WDR74: variants seen among roughly 807,000 people sequenced by gnomAD.
WDR74 encodes the protein WD repeat domain 74.
WDR74 carries 31 observed loss-of-function variants against 45.6 expected under a neutral mutation model. That is an observed-to-expected ratio of 0.68 (90% CI 0.51 to 0.92). WDR74 has a LOEUF of 0.92. WDR74 is among the 40% of genes least tolerant of loss of function. The pLI is 0.00. For synonymous variants in WDR74, 191 were observed against 192.4 expected (o/e 0.99, Z 0.06); for missense variants, 455 against 497.2 (o/e 0.92, Z 0.81).
rs776515689 is a variant in WDR74 at position 62,839,487 on chromosome 11, C to T, written c.64+20G>A. The T allele has an allele frequency of 1.2e-5, 19 of 1,613,560 alleles. No individual in the cohort carries two copies. Among genetic ancestry groups the T allele is most frequent in the Non-Finnish European group, 9.3e-6 (11 of 1,179,882 alleles). On this transcript the variant is annotated intron_variant, in intron 1 of 10. Transcript: ENST00000278856. ...GCGAGTGCACCCCTGCACTTCCCGA[C>T]GCCCGAGCCTGCCACCCACCTTTCA...
At chr11:62,833,436 C>A in intron 10 of WDR74, 182 bp downstream of exon 10, 1 of 762,406 alleles carries the variant, frequency 1.3e-6, no homozygotes, top group Non-Finnish European at 2.1e-6. Context: ...GCAACCCCAT[C>A]CATGCTGTTG....
rs764058630 is a variant in WDR74, at chr11:62,835,512, G to A, written c.537C>T (p.Asp179=). 1 of 1,613,848 alleles carries A rather than the reference G, an allele frequency of 6.2e-7. No homozygotes were observed. The highest frequency in any genetic ancestry group is 1.3e-5 in the African/African-American group (1 of 74,918). Residue 179 remains aspartate, a synonymous_variant, in exon 6 of 11, where the codon GAC becomes GAT. Transcript: ENST00000278856. Reference sequence around the variant, plus strand: ...CCTGGTCCCAGATGGGAACCCGCAAGTCCAGCCAGTCATTCCGCACCTGGT... The same window carrying A: ...CCTGGTCCCAGATGGGAACCCGCAAATCCAGCCAGTCATTCCGCACCTGGT... ...RAKNVRNDWL[D]LRVPIWDQDI... is the part of the protein sequence containing the mutation.
At chr11:62,836,086 T>G (rs1398540211) in intron 3 of WDR74, 50 bp from the exon 4 acceptor site, 5 of 1,513,808 alleles carry the variant, frequency 3.3e-6, no homozygotes, top group Non-Finnish European at 4.5e-6. Flanking sequence ...AAACTCCTTG[T>G]TCTAATCTTT....
At position 62,833,834 on chromosome 11, in the gene WDR74, C is replaced by G; in HGVS notation, c.879G>C (p.Leu293Phe). 6.2e-7 allele frequency: 1 copy of G among 1,613,950 alleles called. No homozygotes were observed. Among genetic ancestry groups the G allele is most frequent in the South Asian group, 1.1e-5 (1 of 91,080 alleles). ...GTGGATTCTGGATCCTGTGTATCCT[C>G]AAGACTCTGTCCAAGCCACAGGAGG... ...LLASCGLDRV[L>F]RIHRIQNPRG... is the part of the protein sequence containing the mutation. The change falls in exon 9 of 11, where the codon TTG becomes TTC. Residue 293 changes from leucine (L) to phenylalanine (F), a missense_variant. Physicochemically the swap from Leu to Phe is conservative, Grantham distance 22. Coordinates refer to ENST00000278856, the MANE Select transcript of WDR74 (RefSeq NM_001369450.1).
intron 3 of WDR74, chr11:62,836,517 G>C (rs2084962271): frequency 6.1e-6 from 1 of 163,446 alleles, no homozygotes; most frequent in African/African-American, 2.4e-5. Flanking sequence ...CAACTTCTTG[G>C]GTTCCTTGCT....
chr11:62,841,332 G>T (rs191483456), upstream of WDR74, among the ~76,000 whole-genome samples: 1 of 151,970 alleles, frequency 6.6e-6, no homozygotes, highest in South Asian at 2.1e-4. Flanking sequence ...AAATAAATAA[G>T]AAATAAAAAT....
intron 8 of WDR74, 134 bp downstream of exon 8, chr11:62,834,142 G>T: frequency 6.7e-7 from 1 of 1,483,686 alleles, no homozygotes; most frequent in Non-Finnish European, 9.3e-7. Context: ...ACAGCTTTTA[G>T]GGAAACCAGG....
At chr11:62,834,377 G>A (rs1359006790) in intron 7 of WDR74, 46 bp from the exon 8 acceptor site, 2 of 1,612,608 alleles carry the variant, frequency 1.2e-6, no homozygotes, top group African/African-American at 1.3e-5. Flanking sequence ...TAACCTCCTG[G>A]AGCCCTTCTC....
At chr11:62,833,719 G>A (rs2084913159) in intron 9 of WDR74, 45 bp from the exon 10 acceptor site, 2 of 1,586,010 alleles carry the variant, frequency 1.3e-6, no homozygotes, top group African/African-American at 2.7e-5. Flanking sequence ...TGCTGAGACA[G>A]AAACATGAAC....
intron 3 of WDR74, among the ~76,000 whole-genome samples, chr11:62,838,798 C>A (rs1310172052): frequency 6.6e-6 from 1 of 151,122 alleles, no homozygotes; most frequent in African/African-American, 2.4e-5. Context: ...CACACACACA[C>A]AAAACTATTA....
upstream of WDR74, among the ~76,000 whole-genome samples, chr11:62,841,387 A>G (rs1476580968): frequency 6.6e-6 from 1 of 151,972 alleles, no homozygotes; most frequent in East Asian, 1.9e-4. Flanking sequence ...AATAGTTCCA[A>G]CTACCCCAGA....
chr11:62,832,974 C>T lies in WDR74; in HGVS notation c.1136G>A (p.Arg379Gln), dbSNP rs762674493. ...GCGTCAGGGGCTGGTGGACCCAGGC[C>T]GCTTCTTCTTTCTCCGTCTCGTTTG... ...ALQTRRRKKKRPGSTSP is the reference protein window; with the variant it reads ...ALQTRRRKKKQPGSTSP The change falls in exon 11 of 11, where the codon CGG (arginine) becomes CAG (glutamine). Residue 379 changes from arginine to glutamine, a missense_variant. Transcript: ENST00000278856. 1.2e-6 allele frequency: 2 copies of T among 1,606,642 alleles called. No homozygotes were observed. Among genetic ancestry groups the T allele is most frequent in the Non-Finnish European group, 1.7e-6 (2 of 1,176,882 alleles).
intron 8 of WDR74, 50 bp from the exon 9 acceptor site, chr11:62,833,987 C>G (rs1452761791): frequency 3.1e-6 from 5 of 1,599,638 alleles, no homozygotes; most frequent in Non-Finnish European, 3.4e-6. Context: ...AATAACCAAC[C>G]ATTCATTGTT....
chr11:62,835,384 G>T (rs1316107005), intron 6 of WDR74, 47 bp downstream of exon 6: 1 of 1,572,648 alleles, frequency 6.4e-7, no homozygotes. Context: ...ATTTCTCCAG[G>T]AGGCTGCTTT....
At position 62,836,966 on chromosome 11, in the gene WDR74, C is replaced by T. The variant is rs1042045755; in HGVS notation, c.294-930G>A. On this transcript the variant is annotated intron_variant, in intron 3 of 10. Coordinates refer to ENST00000278856, the MANE Select transcript of WDR74 (RefSeq NM_001369450.1). Reference sequence around the variant, plus strand: ...TGGTACATGCCTGTAGTCCTAGCTACTTGGGAAGTTGAGGCAGGAGAATCG... The same window carrying T: ...TGGTACATGCCTGTAGTCCTAGCTATTTGGGAAGTTGAGGCAGGAGAATCG... Among the ~76,000 whole-genome samples, 4 of 152,068 alleles carry T rather than the reference C, an allele frequency of 2.6e-5. No homozygotes were observed. In the East Asian group the frequency reaches 5.8e-4, roughly 22 times the overall value.
In WDR74 at chr11:62,836,387, T is replaced by C. The variant is rs532393282; in HGVS notation, c.294-351A>G. The C allele has an allele frequency of 5.9e-4, 171 of 289,086 alleles. 1 individual carries two copies. Among genetic ancestry groups the C allele is most frequent in the South Asian group, 5.9e-3 (165 of 28,016 alleles). The allele number at this position is 289,086 out of a possible 1,614,324, so 17.9% of individuals were successfully genotyped here. ...CCACAGCTAGAAATCAACTCTGTGA[T>C]ATTCCAGAGTGCTTTTGCTGTTCAC... On this transcript the variant is annotated intron_variant, in intron 3 of 10. Coordinates refer to ENST00000278856, the MANE Select transcript of WDR74 (RefSeq NM_001369450.1).
intron 5 of WDR74, 71 bp downstream of exon 5, chr11:62,835,624 T>TGGA: frequency 6.2e-7 from 1 of 1,613,678 alleles, no homozygotes; most frequent in Non-Finnish European, 8.5e-7. Context: ...CCATCTAGTC[T>TGGA]CTAATGCATC....
upstream of WDR74, among the ~76,000 whole-genome samples, chr11:62,841,374 C>A (rs535518165): frequency 1.0e-3 from 156 of 152,182 alleles, 1 homozygote; most frequent in Non-Finnish European, 1.8e-3. Context: ...GTGGCAAGCG[C>A]TCAATAGTTC....
intron 3 of WDR74, among the ~76,000 whole-genome samples, chr11:62,837,003 G>A (rs962734368): frequency 6.6e-6 from 1 of 152,168 alleles, no homozygotes; most frequent in Non-Finnish European, 1.5e-5. Context: ...CTGAACCAGG[G>A]AGGTGGAGGT....
Sources: allele counts gnomAD v4.1 joint callset (sites outside exome capture counted in the v4.1 genomes callset), GRCh38; gene constraint gnomAD v4.1.1; transcripts MANE v1.5; gene names NCBI Gene and HGNC (gene_info 2026-07-23, HGNC 2026-07-21).